The following ANO3 variants were observed in gnomAD, a reference collection of about 807,000 sequenced individuals.
ANO3 encodes anoctamin-3.
ANO3 carries 99 observed loss-of-function variants against 144.8 expected under a neutral mutation model. The observed-to-expected ratio is 0.68, with a 90% CI of 0.58 to 0.81. ANO3 has a LOEUF of 0.81. Ranked by LOEUF, ANO3 falls within the 30% of genes least tolerant of loss-of-function variation. The probability of loss-of-function intolerance (pLI) is 0.00; values close to 1 mark genes in which losing one functional copy is unlikely to be tolerated. For synonymous variants in ANO3, 414 were observed against 392.6 expected (o/e 1.05, Z -0.64); for missense variants, 905 against 1,202.2 (o/e 0.75, Z 3.66).
chr11:26,397,848 T>C (rs1309766441), intron 1 of ANO3, among the ~76,000 whole-genome samples: 4 of 145,862 alleles, frequency 2.7e-5, no homozygotes, highest in African/African-American at 7.6e-5. Flanking sequence ...CCATATATTC[T>C]TGAGAAGAGA....
At chr11:26,463,592 A>G (rs557472064) in intron 4 of ANO3, among the ~76,000 whole-genome samples, 9 of 151,998 alleles carry the variant, frequency 5.9e-5, no homozygotes, top group African/African-American at 2.2e-4. Context: ...TGACAAGATT[A>G]TTGGAAGACA....
chr11:26,634,134 T>G, intron 18 of ANO3, 70 bp from the exon 19 acceptor site: 1 of 813,048 alleles, frequency 1.2e-6, no homozygotes. Flanking sequence ...TTGGGGTTTC[T>G]GCCTCCATGT....
chr11:26,217,218 AT>A (rs1467730752), intron 1 of ANO3, among the ~76,000 whole-genome samples: 1 of 152,024 alleles, frequency 6.6e-6, no homozygotes, highest in Non-Finnish European at 1.5e-5. Flanking sequence ...TCTATGATCC[AT>A]TTTGAATTAA....
At chr11:26,597,115 T>C (rs1364141946) in intron 14 of ANO3, among the ~76,000 whole-genome samples, 1 of 152,152 alleles carries the variant, frequency 6.6e-6, no homozygotes, top group Non-Finnish European at 1.5e-5. Flanking sequence ...TCAGTATTAC[T>C]CACCGCTTTG....
chr11:26,194,151 T>C (rs1851531753), intron 1 of ANO3, among the ~76,000 whole-genome samples: 1 of 152,164 alleles, frequency 6.6e-6, no homozygotes, highest in Non-Finnish European at 1.5e-5. Flanking sequence ...CTTATTATAA[T>C]GGTTTTCCAG....
At chr11:26,327,349 A>C (rs1265714476), upstream of ANO3, among the ~76,000 whole-genome samples, 1 of 152,196 alleles carries the variant, frequency 6.6e-6, no homozygotes, top group African/African-American at 2.4e-5. Context: ...AAATGCCATT[A>C]AGTGATGTTA....
At chr11:26,250,933 G>T (rs117054471) in intron 1 of ANO3, among the ~76,000 whole-genome samples, 2,803 of 152,242 alleles carry the variant, frequency 0.018, 70 homozygotes, top group East Asian at 0.13. Flanking sequence ...TGAGCCTATA[G>T]TTGGGCTAAA....
intron 1 of ANO3, among the ~76,000 whole-genome samples, chr11:26,429,932 A>G (rs1024398585): frequency 2.0e-5 from 3 of 152,138 alleles, no homozygotes; most frequent in African/African-American, 7.2e-5. Flanking sequence ...AGGACACACC[A>G]AGAGGACAAA....
At chr11:26,229,395 G>C (rs1265510581) in intron 1 of ANO3, among the ~76,000 whole-genome samples, 1 of 152,150 alleles carries the variant, frequency 6.6e-6, no homozygotes, top group South Asian at 2.1e-4. Context: ...CAAACTTCAA[G>C]TCATATACTT....
chr11:26,466,370 T>C (rs1440763812), intron 4 of ANO3, among the ~76,000 whole-genome samples: 1 of 151,968 alleles, frequency 6.6e-6, no homozygotes, highest in African/African-American at 2.4e-5. Flanking sequence ...CTTTCCTGTA[T>C]CCACTCTATT....
At chr11:26,623,923 A>G (rs1159341905) in intron 17 of ANO3, among the ~76,000 whole-genome samples, 3 of 152,050 alleles carry the variant, frequency 2.0e-5, no homozygotes, top group Non-Finnish European at 4.4e-5. Context: ...AGTAGCTGGG[A>G]CTACAGGCGC....
At chr11:26,398,533 A>G (rs1857072583) in intron 1 of ANO3, among the ~76,000 whole-genome samples, 1 of 152,112 alleles carries the variant, frequency 6.6e-6, no homozygotes, top group Non-Finnish European at 1.5e-5. Context: ...ATTGAATTAT[A>G]TTTCTTCCGT....
At chr11:26,531,103 T>A (rs1449898914) in intron 7 of ANO3, 102 bp from the exon 8 acceptor site, 4 of 1,345,108 alleles carry the variant, frequency 3.0e-6, no homozygotes, top group Non-Finnish European at 4.1e-6. Flanking sequence ...TGTGTATCTC[T>A]TTTCAAAGAA....
intron 5 of ANO3, among the ~76,000 whole-genome samples, chr11:26,510,310 G>T (rs929736733): frequency 1.3e-5 from 2 of 151,962 alleles, no homozygotes; most frequent in Non-Finnish European, 1.5e-5. Flanking sequence ...TCAGTTTTCT[G>T]TTGCCTCCTT....
chr11:26,192,702 G>C lies in ANO3; in HGVS notation c.154+3372G>C, dbSNP rs566585281. Among the ~76,000 whole-genome samples, 15 of 152,230 alleles carry C rather than the reference G, an allele frequency of 9.9e-5. No individual in the cohort carries two copies. The South Asian group carries it at 3.1e-3, about 32-fold the overall frequency. On this transcript the variant is annotated intron_variant, in intron 1 of 27. Coordinates refer to the ANO3 transcript ENST00000672621. ...TAATTGGATTAAAGTCACACATATAGTAAGTGTGTATGGGTGAGGGGGAGC... is the reference window on the plus strand; with the variant it reads ...TAATTGGATTAAAGTCACACATATACTAAGTGTGTATGGGTGAGGGGGAGC...
At chr11:26,579,769 C>T (rs1851081902) in intron 14 of ANO3, among the ~76,000 whole-genome samples, 1 of 151,932 alleles carries the variant, frequency 6.6e-6, no homozygotes, top group South Asian at 2.1e-4. Flanking sequence ...TTATGAATCC[C>T]CTCTTTTAAA....
intron 1 of ANO3, among the ~76,000 whole-genome samples, chr11:26,408,736 CAAT>C (rs1361596878): frequency 6.6e-6 from 1 of 150,936 alleles, no homozygotes; most frequent in Non-Finnish European, 1.5e-5. Flanking sequence ...AAATGTCCAA[CAAT>C]GATAGACTGG....
intron 14 of ANO3, among the ~76,000 whole-genome samples, chr11:26,567,940 A>G (rs1850660154): frequency 1.3e-5 from 2 of 152,058 alleles, no homozygotes; most frequent in Admixed American, 6.6e-5. Flanking sequence ...AAAACAGGCA[A>G]AAAGCTACAA....
At chr11:26,234,456 G>A (rs1852471225) in intron 1 of ANO3, among the ~76,000 whole-genome samples, 1 of 152,136 alleles carries the variant, frequency 6.6e-6, no homozygotes, top group Admixed American at 6.5e-5. Flanking sequence ...CACTAGCAAG[G>A]CCACTAACCA....
Sources: gnomAD v4.1 joint callset for allele counts (sites outside exome capture counted in the v4.1 genomes callset) on GRCh38, gnomAD v4.1.1 for gene constraint, MANE v1.5 for transcripts, NCBI Gene and HGNC (gene_info 2026-07-23, HGNC 2026-07-21) for gene names.